HIRA: variants seen among roughly 807,000 people sequenced by gnomAD.
HIRA encodes the protein protein HIRA.
HIRA carries 13 observed loss-of-function variants against 126.6 expected under a neutral mutation model. The ratio of observed to expected loss-of-function variants is 0.10; its 90% CI spans 0.07 to 0.16. The LOEUF is 0.16. HIRA is among the 10% of genes least tolerant of loss of function. The pLI, the probability that HIRA is intolerant of heterozygous loss-of-function variation, is 1.00. For missense variants in HIRA, 834 were observed against 1,314.4 expected (o/e 0.63, Z 5.65); for synonymous variants, 511 against 520.0 (o/e 0.98, Z 0.24).
intron 15 of HIRA, among the ~76,000 whole-genome samples, chr22:19,368,824 T>C (rs1410174294): frequency 6.6e-6 from 1 of 152,186 alleles, no homozygotes; most frequent in Non-Finnish European, 1.5e-5. Flanking sequence ...CACTGGCCCA[T>C]GACATACACT....
At chr22:19,407,881 G>A (rs1359915921) in intron 3 of HIRA, among the ~76,000 whole-genome samples, 1 of 152,182 alleles carries the variant, frequency 6.6e-6, no homozygotes, top group Non-Finnish European at 1.5e-5. Flanking sequence ...CTTGGCCTTT[G>A]GAAGACCTGA....
chr22:19,362,113 C>T (rs991479782), intron 15 of HIRA, among the ~76,000 whole-genome samples, 182 bp from the exon 16 acceptor site: 1 of 152,100 alleles, frequency 6.6e-6, no homozygotes, highest in African/African-American at 2.4e-5. Context: ...AACAAAGAGA[C>T]ACCGGAATCT....
intron 24 of HIRA, among the ~76,000 whole-genome samples, chr22:19,334,247 T>C (rs369485391): frequency 6.6e-4 from 99 of 151,062 alleles, no homozygotes; most frequent in African/African-American, 2.0e-3. Context: ...AGTGCTGGGA[T>C]TACAGGCATG....
At chr22:19,372,856 G>A (rs1394754689) in intron 15 of HIRA, among the ~76,000 whole-genome samples, 3 of 152,138 alleles carry the variant, frequency 2.0e-5, no homozygotes, top group African/African-American at 7.2e-5. Flanking sequence ...ACAGGCGTGA[G>A]CCACCGTGCC....
chr22:19,423,710 G>A (rs939238153), intron 1 of HIRA, among the ~76,000 whole-genome samples: 1 of 152,168 alleles, frequency 6.6e-6, no homozygotes, highest in Non-Finnish European at 1.5e-5. Context: ...TAGCCTCCCA[G>A]GGAATTGGCC....
chr22:19,331,442 A>G lies in HIRA; in HGVS notation c.3052T>C (p.Ter1018GlnextTer31), dbSNP rs1556004595. The G allele has an allele frequency of 1.9e-6, 3 of 1,613,812 alleles. No homozygotes were observed. ...QEQLDILRDK[*>Q] ...CAGCCAGGGCAGGCTGGGGCAGGCT[A>G]CTTGTCCCTCAGGATGTCGAGCTGT... The change falls in exon 25 of 25, where the codon TAG (stop) becomes CAG (glutamine). Residue 1018 changes from the stop codon to glutamine (Q), a stop_lost. Coordinates refer to ENST00000263208, the MANE Select transcript of HIRA (RefSeq NM_003325.4).
chr22:19,381,752 A>T (rs2089075192), intron 13 of HIRA, among the ~76,000 whole-genome samples: 1 of 152,186 alleles, frequency 6.6e-6, no homozygotes, highest in East Asian at 1.9e-4. Flanking sequence ...TTATCCTTGT[A>T]AGATTTTGAT....
intron 24 of HIRA, among the ~76,000 whole-genome samples, chr22:19,343,656 T>C (rs1357868983): frequency 2.6e-5 from 4 of 152,028 alleles, no homozygotes; most frequent in Admixed American, 2.6e-4. Flanking sequence ...TTGGGTGTGG[T>C]GGCTTACACC....
At chr22:19,377,050 A>C (rs1473524481) in intron 14 of HIRA, among the ~76,000 whole-genome samples, 1 of 152,144 alleles carries the variant, frequency 6.6e-6, no homozygotes. Context: ...TCCTCAGGGG[A>C]CTGGGGGGCT....
chr22:19,424,959 C>A (rs767172187), intron 1 of HIRA, among the ~76,000 whole-genome samples: 3 of 152,130 alleles, frequency 2.0e-5, no homozygotes, highest in Non-Finnish European at 4.4e-5. Flanking sequence ...ACACGCAGAC[C>A]TAGTAAAGTC....
At chr22:19,347,882 T>C (rs1331245297) in intron 24 of HIRA, among the ~76,000 whole-genome samples, 2 of 152,204 alleles carry the variant, frequency 1.3e-5, no homozygotes, top group African/African-American at 4.8e-5. Flanking sequence ...GAGGTTACAG[T>C]GAGCTGATAT....
chr22:19,431,265 G>A (rs764548256), intron 1 of HIRA, among the ~76,000 whole-genome samples, 175 bp downstream of exon 1: 2 of 152,140 alleles, frequency 1.3e-5, no homozygotes, highest in Non-Finnish European at 1.5e-5. Context: ...CACGTGCTGG[G>A]GCTCACCAGC....
rs919741176 is a variant in HIRA at position 19,382,507 on chromosome 22, C to T, written c.1415+1113G>A. On this transcript the variant is annotated intron_variant, in intron 13 of 24. Coordinates refer to ENST00000263208, the MANE Select transcript of HIRA (RefSeq NM_003325.4). ...CAGCAGACCTGGTTCTTGCTCTACT[C>T]GTGGGGACCTCAGAGCCTGCACATC... 3.9e-5 allele frequency among the ~76,000 whole-genome samples: 6 copies of T among 152,286 alleles called. No homozygotes were observed. In the East Asian group the frequency reaches 5.8e-4, roughly 15 times the overall value.
intron 2 of HIRA, 54 bp downstream of exon 2, chr22:19,410,662 A>C: frequency 1.5e-6 from 2 of 1,312,970 alleles, no homozygotes; most frequent in Non-Finnish European, 2.2e-6. Flanking sequence ...CAGCAGGAGA[A>C]GAGCAAGGTG....
intron 20 of HIRA, 38 bp downstream of exon 20, chr22:19,356,192 C>A (rs374384031): frequency 1.9e-6 from 3 of 1,585,482 alleles, no homozygotes; most frequent in Non-Finnish European, 2.6e-6. Flanking sequence ...TGAACTTGGG[C>A]CCCCAAAAGA....
intron 14 of HIRA, 99 bp downstream of exon 14, chr22:19,377,770 G>C (rs1321204904): frequency 1.9e-6 from 2 of 1,059,734 alleles, no homozygotes; most frequent in African/African-American, 3.2e-5. Flanking sequence ...TGATTGAAGG[G>C]GCCACAAAGT....
At chr22:19,421,929 C>G (rs191316335) in intron 1 of HIRA, among the ~76,000 whole-genome samples, 1 of 152,116 alleles carries the variant, frequency 6.6e-6, no homozygotes, top group Admixed American at 6.6e-5. Context: ...GCCTTGGCCT[C>G]CCAAAGTGCT....
chr22:19,422,791 T>C (rs2089458620), intron 1 of HIRA, among the ~76,000 whole-genome samples: 1 of 152,290 alleles, frequency 6.6e-6, no homozygotes, highest in African/African-American at 2.4e-5. Context: ...CTGTGGAGTG[T>C]TGGCAGCCCC....
intron 1 of HIRA, among the ~76,000 whole-genome samples, chr22:19,429,804 C>T (rs2089517132): frequency 6.6e-6 from 1 of 152,194 alleles, no homozygotes; most frequent in Admixed American, 6.5e-5. Context: ...GAAGGGTAGG[C>T]TATTCACAAA....
Sources: gnomAD v4.1 joint callset for allele counts (sites outside exome capture counted in the v4.1 genomes callset) on GRCh38, gnomAD v4.1.1 for gene constraint, MANE v1.5 for transcripts, NCBI Gene and HGNC (gene_info 2026-07-23, HGNC 2026-07-21) for gene names.